The following EPHB1 variants were observed in gnomAD, a reference collection of about 807,000 sequenced individuals.
EPHB1 encodes ephrin type-B receptor 1.
A neutral mutation model predicts 94.4 loss-of-function variants in EPHB1; 30 were observed. The observed-to-expected ratio is 0.32, with a 90% CI of 0.24 to 0.43. The LOEUF (loss-of-function observed/expected upper bound fraction) is 0.43, where lower values mean the gene tolerates loss of function less well. Ranked by LOEUF, EPHB1 falls within the 20% of genes least tolerant of loss-of-function variation. The pLI is 1.00. For synonymous variants in EPHB1, 522 were observed against 489.1 expected (o/e 1.07, Z -0.89); for missense variants, 1,055 against 1,308.3 (o/e 0.81, Z 2.99).
chr3:134,849,981 TG>T (rs1244477761), intron 1 of EPHB1, among the ~76,000 whole-genome samples: 1 of 152,160 alleles, frequency 6.6e-6, no homozygotes, highest in East Asian at 1.9e-4. Context: ...TTATGTCTGC[TG>T]GGTCTAGCTT....
chr3:134,977,960 CCA>C (rs1934251658), intron 3 of EPHB1: 4 of 455,784 alleles, frequency 8.8e-6, no homozygotes, highest in South Asian at 1.6e-5. Context: ...GTTTTTCTTT[CCA>C]CAGTGTCCAG....
intron 15 of EPHB1, among the ~76,000 whole-genome samples, chr3:135,257,951 A>T (rs563624562): frequency 6.6e-6 from 1 of 152,250 alleles, no homozygotes; most frequent in East Asian, 1.9e-4. Context: ...AAAGTGCAGT[A>T]TTCGGGTGGG....
intron 4 of EPHB1, among the ~76,000 whole-genome samples, chr3:135,127,793 C>A (rs1251271505): frequency 2.0e-5 from 3 of 152,140 alleles, no homozygotes; most frequent in Non-Finnish European, 2.9e-5. Flanking sequence ...AATATGGTAG[C>A]ACTTGGGCTG....
At position 135,166,063 on chromosome 3, in the gene EPHB1, A is replaced by G. The variant is rs778127702; in HGVS notation, c.1681A>G (p.Ile561Val). The G allele has an allele frequency of 1.2e-6, 2 of 1,613,626 alleles. No individual in the cohort carries two copies. Among genetic ancestry groups the G allele is most frequent in the South Asian group, 1.1e-5 (1 of 91,066 alleles). Residue 561 changes from isoleucine to valine, a missense_variant, in exon 8 of 16, where the codon ATC becomes GTC. Coordinates refer to ENST00000398015, the MANE Select transcript of EPHB1 (RefSeq NM_004441.5). Reference protein sequence around the residue: ...VFVVSLVAISIVCSRKRAYSK... With the variant: ...VFVVSLVAISVVCSRKRAYSK... ...CGTTGTGTCCTTGGTGGCCATCTCT[A>G]TCGTCTGTAGCAGGTAGGTCCTCCA...
intron 1 of EPHB1, among the ~76,000 whole-genome samples, chr3:134,847,647 A>G (rs866755369): frequency 6.6e-6 from 1 of 152,216 alleles, no homozygotes; most frequent in South Asian, 2.1e-4. Flanking sequence ...AAGGCAGGAA[A>G]TGGGAACCAG....
chr3:135,186,779 G>A (rs1942342179), intron 10 of EPHB1, among the ~76,000 whole-genome samples: 1 of 152,164 alleles, frequency 6.6e-6, no homozygotes, highest in African/African-American at 2.4e-5. Context: ...ATTTTGTCAA[G>A]GAAGGTAGGA....
At chr3:134,822,195 C>T (rs2036394787) in intron 1 of EPHB1, among the ~76,000 whole-genome samples, 1 of 152,182 alleles carries the variant, frequency 6.6e-6, no homozygotes, top group African/African-American at 2.4e-5. Flanking sequence ...AAGCTTTAGG[C>T]CCTGTGGCTC....
chr3:134,813,898 C>T (rs1030055556), intron 1 of EPHB1, among the ~76,000 whole-genome samples: 1 of 152,230 alleles, frequency 6.6e-6, no homozygotes, highest in Non-Finnish European at 1.5e-5. Context: ...TCACTTCCCA[C>T]AAGCACCTTT....
intron 2 of EPHB1, among the ~76,000 whole-genome samples, chr3:134,937,956 T>G (rs1165330097): frequency 2.1e-5 from 3 of 140,296 alleles, no homozygotes; most frequent in Non-Finnish European, 4.6e-5. Context: ...TTTCTGGACC[T>G]CCTTGTTATA....
intron 15 of EPHB1, 50 bp downstream of exon 15, chr3:135,249,541 C>T (rs756786366): frequency 1.9e-6 from 3 of 1,574,330 alleles, no homozygotes; most frequent in Non-Finnish European, 2.6e-6. Context: ...GGTCAGTGCT[C>T]CTTCCCTGCT....
rs189826018 is a variant in EPHB1, at chr3:135,194,052, A to G, written c.2130+1229A>G. On this transcript the variant is annotated intron_variant, in intron 11 of 15. Coordinates refer to ENST00000398015, the MANE Select transcript of EPHB1 (RefSeq NM_004441.5). ...CTTCCTTAGAGCAAGCTGGGTCTCAAGAAAAAGCATCCCAAGAGAGGAATG... is the reference window on the plus strand; with the variant it reads ...CTTCCTTAGAGCAAGCTGGGTCTCAGGAAAAAGCATCCCAAGAGAGGAATG... Among the ~76,000 whole-genome samples, 31 of 152,314 alleles carry G rather than the reference A, an allele frequency of 2.0e-4. No homozygotes were observed. In the East Asian group the frequency reaches 6.0e-3, roughly 29 times the overall value.
intron 3 of EPHB1, among the ~76,000 whole-genome samples, chr3:135,047,338 G>A (rs1415562168): frequency 6.6e-6 from 1 of 152,190 alleles, no homozygotes; most frequent in African/African-American, 2.4e-5. Flanking sequence ...CTTTCACAAG[G>A]AGAATGAATC....
chr3:134,972,667 A>T (rs890470374), intron 3 of EPHB1, among the ~76,000 whole-genome samples: 3 of 151,698 alleles, frequency 2.0e-5, no homozygotes, highest in Non-Finnish European at 4.4e-5. Flanking sequence ...TTAACACAAA[A>T]ATTGCAATAC....
At chr3:135,201,752 C>A in intron 12 of EPHB1, 63 bp downstream of exon 12, 1 of 1,502,062 alleles carries the variant, frequency 6.7e-7, no homozygotes. Flanking sequence ...CTCTACATGG[C>A]TGGGAACTGT....
At chr3:134,992,771 C>T (rs1314303794) in intron 3 of EPHB1, among the ~76,000 whole-genome samples, 2 of 152,136 alleles carry the variant, frequency 1.3e-5, no homozygotes, top group African/African-American at 2.4e-5. Flanking sequence ...AGGCCTGTGT[C>T]ATTCACCTCT....
At chr3:135,159,845 AC>A (rs1214296940) in intron 6 of EPHB1, among the ~76,000 whole-genome samples, 34 of 152,292 alleles carry the variant, frequency 2.2e-4, no homozygotes, top group Admixed American at 9.8e-4. Context: ...TTTCTATGCC[AC>A]CCACACTTCA....
At chr3:134,825,772 A>G (rs1397133608) in intron 1 of EPHB1, among the ~76,000 whole-genome samples, 1 of 152,020 alleles carries the variant, frequency 6.6e-6, no homozygotes, top group Non-Finnish European at 1.5e-5. Context: ...TTCATCCACC[A>G]TGGTTTGGCT....
chr3:135,188,350 C>T (rs191012306), intron 10 of EPHB1, among the ~76,000 whole-genome samples: 1 of 145,614 alleles, frequency 6.9e-6, no homozygotes, highest in East Asian at 2.1e-4. Context: ...CAAAAATTAG[C>T]CGGGCGTTGT....
Position 135,049,963 on chromosome 3 carries a change from C to T in EPHB1, c.806-56485C>T, listed in dbSNP as rs146858931. Among the ~76,000 whole-genome samples, 12 of 152,278 alleles carry T rather than the reference C, an allele frequency of 7.9e-5. 1 individual carries two copies. The East Asian group carries it at 1.7e-3, about 22-fold the overall frequency. On this transcript the variant is annotated intron_variant, in intron 3 of 15. Transcript: ENST00000398015. Reference sequence around the variant, plus strand: ...TCTCCTTTATGCTTCCAGTGGTACCCCGGGACCCTGAGGAGCCCCACCCTG... The same window carrying T: ...TCTCCTTTATGCTTCCAGTGGTACCTCGGGACCCTGAGGAGCCCCACCCTG...
Sources: allele counts gnomAD v4.1 joint callset (sites outside exome capture counted in the v4.1 genomes callset), GRCh38; gene constraint gnomAD v4.1.1; transcripts MANE v1.5; gene names NCBI Gene and HGNC (gene_info 2026-07-23, HGNC 2026-07-21).